Variants in CCDC102B observed in about 807,000 individuals in gnomAD.
The protein encoded by CCDC102B is coiled-coil domain containing 102B.
In CCDC102B, 75 loss-of-function variants were observed where a neutral mutation model predicts 57.4. The ratio of observed to expected loss-of-function variants is 1.31; its 90% confidence interval spans 1.08 to 1.58. CCDC102B has a LOEUF of 1.58. Ranked by LOEUF, CCDC102B falls within the 40% of genes most tolerant of loss-of-function variation. The pLI, the probability that CCDC102B is intolerant of heterozygous loss-of-function variation, is 0.00. For missense variants in CCDC102B, 636 were observed against 582.6 expected, an observed-to-expected ratio of 1.09 and a Z score of -0.94; for synonymous variants, 206 against 201.9, an observed-to-expected ratio of 1.02 and a Z score of -0.17.
chr18:68,930,238 C>T (rs1436814494), intron 6 of CCDC102B, among the ~76,000 whole-genome samples: 2 of 148,016 alleles, frequency 1.4e-5, no homozygotes, highest in Non-Finnish European at 3.0e-5. Context: ...ATATATTATA[C>T]ATAATATATA....
chr18:68,965,863 G>C (rs920103673), intron 6 of CCDC102B, among the ~76,000 whole-genome samples: 4 of 152,160 alleles, frequency 2.6e-5, no homozygotes, highest in East Asian at 1.9e-4. Context: ...CACTACTTCA[G>C]TGGGTGAAGG....
intron 6 of CCDC102B, among the ~76,000 whole-genome samples, chr18:68,995,231 A>G (rs1473401930): frequency 6.6e-6 from 1 of 152,190 alleles, no homozygotes; most frequent in African/African-American, 2.4e-5. Context: ...AATTTGGGAA[A>G]TTTGCAGCCT....
chr18:68,973,257 C>T (rs961313584), intron 6 of CCDC102B, among the ~76,000 whole-genome samples: 1 of 151,988 alleles, frequency 6.6e-6, no homozygotes, highest in Non-Finnish European at 1.5e-5. Flanking sequence ...ACAAACTTGT[C>T]ATTTATTGAG....
At chr18:69,026,001 G>A (rs780908182) in intron 7 of CCDC102B, among the ~76,000 whole-genome samples, 2 of 152,080 alleles carry the variant, frequency 1.3e-5, no homozygotes, top group Non-Finnish European at 2.9e-5. Context: ...TTGACTCCAG[G>A]AGCAGGTAGT....
At chr18:68,756,137 A>AATAAC (rs2034040594) in intron 2 of CCDC102B, among the ~76,000 whole-genome samples, 1 of 151,802 alleles carries the variant, frequency 6.6e-6, no homozygotes, top group Admixed American at 6.6e-5. Flanking sequence ...AATAAGTATT[A>AATAAC]TTTTGAATCA....
At chr18:68,982,922 T>C (rs2050629086) in intron 6 of CCDC102B, among the ~76,000 whole-genome samples, 1 of 151,902 alleles carries the variant, frequency 6.6e-6, no homozygotes. Flanking sequence ...TCTTACAAAA[T>C]TGTACATCAC....
At chr18:68,911,012 T>G (rs1187487188) in intron 6 of CCDC102B, among the ~76,000 whole-genome samples, 3 of 151,940 alleles carry the variant, frequency 2.0e-5, no homozygotes, top group African/African-American at 7.3e-5. Flanking sequence ...TCAACTGTTG[T>G]GGAAAGCAGT....
chr18:68,732,420 A>G (rs946804954), intron 2 of CCDC102B, among the ~76,000 whole-genome samples: 1 of 150,942 alleles, frequency 6.6e-6, no homozygotes, highest in Non-Finnish European at 1.5e-5. Flanking sequence ...ATCTCAGCTC[A>G]TTGCAACCTC....
At chr18:68,914,826 C>T (rs934952821) in intron 6 of CCDC102B, among the ~76,000 whole-genome samples, 1 of 152,094 alleles carries the variant, frequency 6.6e-6, no homozygotes, top group African/African-American at 2.4e-5. Flanking sequence ...AGTAACAAGC[C>T]ATAGGAACTC....
chr18:68,807,734 A>G (rs1272700185), intron 1 of CCDC102B, among the ~76,000 whole-genome samples: 1 of 152,194 alleles, frequency 6.6e-6, no homozygotes, highest in East Asian at 1.9e-4. Context: ...GCAAAAATGA[A>G]AGGAAACAAA....
chr18:68,973,437 G>A (rs2050351160), intron 6 of CCDC102B, among the ~76,000 whole-genome samples: 1 of 152,076 alleles, frequency 6.6e-6, no homozygotes, highest in Admixed American at 6.6e-5. Flanking sequence ...CATTCCCAAA[G>A]CTGTCATACT....
chr18:68,969,677 T>C (rs923195486), intron 6 of CCDC102B, among the ~76,000 whole-genome samples: 1 of 151,968 alleles, frequency 6.6e-6, no homozygotes, highest in Non-Finnish European at 1.5e-5. Context: ...TTTTGTTGTG[T>C]TTTTTTGTGT....
At chr18:68,919,387 G>A (rs570348647) in intron 6 of CCDC102B, among the ~76,000 whole-genome samples, 71 of 152,078 alleles carry the variant, frequency 4.7e-4, no homozygotes, top group Admixed American at 9.2e-4. Flanking sequence ...GATAAATATC[G>A]TTTTTATATT....
At chr18:68,770,631 A>G (rs745889415) in intron 2 of CCDC102B, among the ~76,000 whole-genome samples, 1 of 152,228 alleles carries the variant, frequency 6.6e-6, no homozygotes, top group African/African-American at 2.4e-5. Flanking sequence ...GTAAAACCTG[A>G]AAGATTTTCA....
chr18:68,843,575 C>G (rs971129657), intron 3 of CCDC102B, among the ~76,000 whole-genome samples: 16 of 151,898 alleles, frequency 1.1e-4, no homozygotes, highest in African/African-American at 3.6e-4. Flanking sequence ...TTCACATTTT[C>G]TATTTTAGAT....
chr18:68,994,158 TTTTAAAATTTGAATTCTAC>T (rs1252550100), intron 6 of CCDC102B, among the ~76,000 whole-genome samples: 2 of 152,200 alleles, frequency 1.3e-5, no homozygotes, highest in Non-Finnish European at 1.5e-5. Flanking sequence ...AAAAACTGCT[TTTTAAAATTTGAATTCTAC>T]TTTAATTGCT....
chr18:68,884,384 A>G (rs924072104), intron 5 of CCDC102B, among the ~76,000 whole-genome samples: 2 of 152,158 alleles, frequency 1.3e-5, no homozygotes, highest in African/African-American at 4.8e-5. Context: ...GGCCAGTAGG[A>G]CATTATACTA....
chr18:68,855,418 C>A (rs2038338397), intron 4 of CCDC102B, among the ~76,000 whole-genome samples: 1 of 152,116 alleles, frequency 6.6e-6, no homozygotes, highest in African/African-American at 2.4e-5. Context: ...ATGCTGTAAT[C>A]CTTCTGAATA....
chr18:68,961,979 T>C (rs540864773), intron 6 of CCDC102B, among the ~76,000 whole-genome samples: 2 of 152,200 alleles, frequency 1.3e-5, no homozygotes, highest in South Asian at 4.1e-4. Context: ...TTTTTATATA[T>C]TGAACATGTC....
Sources: gnomAD v4.1 joint callset for allele counts (sites outside exome capture counted in the v4.1 genomes callset) on GRCh38, gnomAD v4.1.1 for gene constraint, MANE v1.5 for transcripts, NCBI Gene and HGNC (gene_info 2026-07-23, HGNC 2026-07-21) for gene names.